HERC1: variants seen among roughly 807,000 people sequenced by gnomAD.
The protein encoded by HERC1 is probable E3 ubiquitin-protein ligase HERC1.
In HERC1, 160 loss-of-function variants were observed where a neutral mutation model predicts 554.3. That is an observed-to-expected ratio of 0.29 (90% CI 0.25 to 0.33). The LOEUF is 0.33. Among genes scored for constraint, HERC1 ranks in the 10% least tolerant of loss-of-function variants. HERC1 has a pLI of 1.00. For synonymous variants in HERC1, 2,175 were observed against 2,131.7 expected, an observed-to-expected ratio of 1.02 and a Z score of -0.56; for missense variants, 4,919 against 5,918.5, an observed-to-expected ratio of 0.83 and a Z score of 5.54.
chr15:63,823,869 A>C (rs1352506927), intron 1 of HERC1, among the ~76,000 whole-genome samples: 1 of 152,238 alleles, frequency 6.6e-6, no homozygotes, highest in Non-Finnish European at 1.5e-5. Context: ...ATGAAAACGT[A>C]GCCTACGGAT....
intron 34 of HERC1, among the ~76,000 whole-genome samples, chr15:63,683,863 G>T (rs1420131729): frequency 6.6e-6 from 1 of 152,182 alleles, no homozygotes. Flanking sequence ...TTGGAATCCT[G>T]AACTCACACA....
chr15:63,712,224 T>G (rs1199389564), intron 24 of HERC1, among the ~76,000 whole-genome samples: 1 of 152,088 alleles, frequency 6.6e-6, no homozygotes, highest in Non-Finnish European at 1.5e-5. Flanking sequence ...GGCAACCAGT[T>G]TGAAGGCTTC....
intron 1 of HERC1, among the ~76,000 whole-genome samples, chr15:63,831,729 CTATTTAT>C (rs1039312461): frequency 4.6e-5 from 7 of 151,996 alleles, no homozygotes; most frequent in African/African-American, 1.7e-4. Flanking sequence ...ATTGTTATTA[CTATTTAT>C]TATTTGCACC....
intron 6 of HERC1, 91 bp from the exon 7 acceptor site, chr15:63,754,739 T>C (rs2141982848): frequency 2.4e-6 from 3 of 1,251,294 alleles, no homozygotes; most frequent in Non-Finnish European, 3.3e-6. Context: ...GTTACAACTT[T>C]AAAATAGAAT....
intron 2 of HERC1, among the ~76,000 whole-genome samples, chr15:63,768,886 T>C (rs1463379969): frequency 1.3e-5 from 2 of 152,158 alleles, no homozygotes; most frequent in East Asian, 3.9e-4. Flanking sequence ...CACTACATAG[T>C]AAGATCTCAA....
chr15:63,660,332 A>ATAAT (rs542221686), intron 46 of HERC1, among the ~76,000 whole-genome samples: 17,729 of 151,066 alleles, frequency 0.12, 1,092 homozygotes, highest in Middle Eastern at 0.16. Flanking sequence ...AGAAATAAAA[A>ATAAT]CAATAAATAA....
intron 19 of HERC1, among the ~76,000 whole-genome samples, chr15:63,720,689 C>T (rs1360873674): frequency 6.6e-6 from 1 of 152,118 alleles, no homozygotes; most frequent in East Asian, 1.9e-4. Flanking sequence ...GAATGACAAT[C>T]CTCATCAGGC....
At chr15:63,765,730 A>C (rs531120930) in intron 2 of HERC1, among the ~76,000 whole-genome samples, 1 of 152,238 alleles carries the variant, frequency 6.6e-6, no homozygotes, top group South Asian at 2.1e-4. Flanking sequence ...AAGATCTTAC[A>C]TGTACTGATT....
rs916259458 is a variant in HERC1, at chr15:63,829,816, G to C, written c.-27+4011C>G. Among the ~76,000 whole-genome samples the C allele has an allele frequency of 5.3e-5, 8 of 151,688 alleles. No homozygotes were observed. The East Asian group carries it at 1.3e-3, about 26-fold the overall frequency. Reference sequence around the variant, plus strand: ...AGAATATAAGAAAGTGCTTGAAAAAGGGTAGAGGCCAACCTGAAAGAGCTT... The same window carrying C: ...AGAATATAAGAAAGTGCTTGAAAAACGGTAGAGGCCAACCTGAAAGAGCTT... On this transcript the variant is annotated intron_variant, in intron 1 of 77. Coordinates refer to ENST00000443617, the MANE Select transcript of HERC1 (RefSeq NM_003922.4).
intron 1 of HERC1, among the ~76,000 whole-genome samples, chr15:63,785,687 T>TGC (rs148026313): frequency 0.072 from 10,917 of 151,974 alleles, 539 homozygotes; most frequent in Non-Finnish European, 0.11. Context: ...GATGATCCCT[T>TGC]GCGCTCAGGA....
chr15:63,727,630 T>C lies in HERC1; in HGVS notation c.3346+17A>G. On this transcript the variant is annotated intron_variant, in intron 17 of 77. Transcript: ENST00000443617. The surrounding 1 kb of genome is among the most constrained non-coding windows in gnomAD (Gnocchi z 4.3). Reference sequence around the variant, plus strand: ...TTTCTCAAAGGCATTATTTGCTCTTTTATTGTCTTTACTTACCATGAAGAG... The same window carrying C: ...TTTCTCAAAGGCATTATTTGCTCTTCTATTGTCTTTACTTACCATGAAGAG... 2 of 1,586,740 alleles carry C rather than the reference T, an allele frequency of 1.3e-6. No individual in the cohort carries two copies.
At chr15:63,630,048 T>C (rs1236874020) in intron 69 of HERC1, among the ~76,000 whole-genome samples, 1 of 152,210 alleles carries the variant, frequency 6.6e-6, no homozygotes, top group Non-Finnish European at 1.5e-5. Context: ...TTATAAAATA[T>C]AAAAATATTA....
intron 69 of HERC1, 66 bp from the exon 70 acceptor site, chr15:63,628,881 A>T (rs930522315): frequency 3.3e-6 from 5 of 1,515,470 alleles, no homozygotes; most frequent in Non-Finnish European, 4.5e-6. Context: ...TCAATATGAA[A>T]TTTTTCTTAG....
chr15:63,681,175 ATTGTTTTGTT>A (rs144166394), intron 34 of HERC1, among the ~76,000 whole-genome samples: 515 of 151,930 alleles, frequency 3.4e-3, no homozygotes, highest in African/African-American at 0.01. Flanking sequence ...GACTAGGTGT[ATTGTTTTGTT>A]TTGTTTTGTT....
intron 1 of HERC1, among the ~76,000 whole-genome samples, chr15:63,820,825 C>T (rs1470314): frequency 0.46 from 69,948 of 151,878 alleles, 17,219 homozygotes; most frequent in Non-Finnish European, 0.55. Context: ...TTAACAGAGA[C>T]TTTAAATCAG....
intron 65 of HERC1, 159 bp from the exon 66 acceptor site, chr15:63,635,047 T>A (rs2068722446): frequency 1.0e-5 from 5 of 478,058 alleles, no homozygotes; most frequent in Non-Finnish European, 1.1e-5. Flanking sequence ...TTTTTTTTAA[T>A]TTTTTTTTAA....
At chr15:63,811,225 A>G (rs1205111065) in intron 1 of HERC1, among the ~76,000 whole-genome samples, 3 of 152,236 alleles carry the variant, frequency 2.0e-5, no homozygotes, top group African/African-American at 7.2e-5. Flanking sequence ...GTGTGATAAA[A>G]GTATTGTGGT....
intron 1 of HERC1, among the ~76,000 whole-genome samples, chr15:63,784,037 G>T (rs1230849308): frequency 1.3e-5 from 2 of 148,352 alleles, no homozygotes; most frequent in Non-Finnish European, 3.0e-5. Flanking sequence ...CTGCACTCCA[G>T]CCTGGTGACA....
chr15:63,638,553 A>G lies in HERC1; in HGVS notation c.11968-17T>C, dbSNP rs2068887049. ...GTGCCAGTCCTAGAAAACCACAATC[A>G]TCTCAAAATTAGAGTCATCCATTCA... is the stretch of plus-strand genomic sequence containing the variant. On this transcript the variant is annotated splice_polypyrimidine_tract_variant and intron_variant, in intron 62 of 77. Coordinates refer to ENST00000443617, the MANE Select transcript of HERC1 (RefSeq NM_003922.4). The G allele has an allele frequency of 8.1e-6, 13 of 1,613,586 alleles. No individual in the cohort carries two copies. Among genetic ancestry groups the G allele is most frequent in the Non-Finnish European group, 1.1e-5 (13 of 1,179,778 alleles).
Sources: allele counts gnomAD v4.1 joint callset (sites outside exome capture counted in the v4.1 genomes callset), GRCh38; gene constraint gnomAD v4.1.1; non-coding constraint Gnocchi (gnomAD v3.1); transcripts MANE v1.5; gene names NCBI Gene and HGNC (gene_info 2026-07-23, HGNC 2026-07-21).